Variants in LRP1B observed in about 807,000 individuals in gnomAD.
LRP1B encodes LDL receptor related protein 1B.
In LRP1B, 217 loss-of-function variants were observed where a neutral mutation model predicts 556.6. The observed-to-expected ratio is 0.39, with a 90% CI of 0.35 to 0.44. The LOEUF is 0.44. Among genes scored for constraint, LRP1B ranks in the 20% least tolerant of loss-of-function variants. The probability of loss-of-function intolerance (pLI) is 1.00; values close to 1 mark genes in which losing one functional copy is unlikely to be tolerated. For synonymous variants in LRP1B, 2,047 were observed against 1,865.8 expected (o/e 1.10, Z -2.50); for missense variants, 5,053 against 5,620.8 (o/e 0.90, Z 3.23).
chr2:140,967,575 T>C (rs1376226321), intron 18 of LRP1B, among the ~76,000 whole-genome samples: 2 of 152,032 alleles, frequency 1.3e-5, no homozygotes, highest in Non-Finnish European at 2.9e-5. Context: ...TCCAACACTA[T>C]GTTGAATAGG....
intron 11 of LRP1B, among the ~76,000 whole-genome samples, chr2:141,044,941 A>T (rs941465125): frequency 6.6e-6 from 1 of 150,990 alleles, no homozygotes; most frequent in Non-Finnish European, 1.5e-5. Flanking sequence ...AAGGACTATA[A>T]ATCATGCTGC....
chr2:140,402,538 A>G (rs1339482684), intron 66 of LRP1B, among the ~76,000 whole-genome samples: 3 of 152,218 alleles, frequency 2.0e-5, no homozygotes, highest in Non-Finnish European at 4.4e-5. Flanking sequence ...TACTTGGAAT[A>G]TCAACATTCC....
At chr2:140,322,631 C>CCTTTCCAT (rs1359809898) in intron 81 of LRP1B, among the ~76,000 whole-genome samples, 4 of 151,488 alleles carry the variant, frequency 2.6e-5, no homozygotes, top group Non-Finnish European at 1.5e-5. Flanking sequence ...AAAGTGGCTT[C>CCTTTCCAT]CTTTCCATCA....
intron 62 of LRP1B, among the ~76,000 whole-genome samples, chr2:140,455,603 T>C (rs1314235315): frequency 2.0e-5 from 3 of 152,190 alleles, no homozygotes; most frequent in Admixed American, 2.0e-4. Context: ...TAATTGTTGT[T>C]ATTTATGCAG....
rs199579547 is a variant in LRP1B at position 140,592,447 on chromosome 2, T to C, written c.7194+6184A>G. ...TTTAATTTTTAAATCAAATATTTCC[T>C]TTTTTTTTTTAGAAGTTGACACTCA... is the stretch of plus-strand genomic sequence containing the variant. On this transcript the variant is annotated intron_variant, in intron 43 of 90. Coordinates refer to ENST00000389484, the MANE Select transcript of LRP1B (RefSeq NM_018557.3). Among the ~76,000 whole-genome samples, 91 of 144,824 alleles carry C rather than the reference T, an allele frequency of 6.3e-4. No individual in the cohort carries two copies. In the East Asian group the frequency reaches 0.016, roughly 25 times the overall value.
At chr2:140,670,638 G>A (rs1207305178) in intron 41 of LRP1B, among the ~76,000 whole-genome samples, 1 of 151,966 alleles carries the variant, frequency 6.6e-6, no homozygotes, top group Non-Finnish European at 1.5e-5. Context: ...TCTCTGAACT[G>A]AGGAACCAAT....
chr2:141,887,365 G>C (rs540748308), intron 1 of LRP1B, among the ~76,000 whole-genome samples: 9 of 152,156 alleles, frequency 5.9e-5, no homozygotes, highest in African/African-American at 2.2e-4. Context: ...GGCATTCCAC[G>C]GTCAGACTTA....
chr2:141,524,743 CCAT>C (rs1684638145), intron 2 of LRP1B, among the ~76,000 whole-genome samples: 1 of 151,268 alleles, frequency 6.6e-6, no homozygotes, highest in Non-Finnish European at 1.5e-5. Flanking sequence ...TGAAATTACC[CCAT>C]CAACTCTTAT....
At chr2:140,492,733 G>T (rs750675048) in intron 56 of LRP1B, 40 bp from the exon 57 acceptor site, 5 of 1,351,142 alleles carry the variant, frequency 3.7e-6, no homozygotes, top group Non-Finnish European at 5.3e-6. Flanking sequence ...CTTTAAGTAT[G>T]TATGCTTTTC....
At chr2:141,982,597 T>G (rs1378140105) in intron 1 of LRP1B, among the ~76,000 whole-genome samples, 1 of 152,208 alleles carries the variant, frequency 6.6e-6, no homozygotes, top group East Asian at 1.9e-4. Context: ...ATGATCTTTT[T>G]ACAGAATGAA....
At chr2:140,497,791 A>T (rs532516321) in intron 55 of LRP1B, among the ~76,000 whole-genome samples, 17 of 152,022 alleles carry the variant, frequency 1.1e-4, no homozygotes, top group Admixed American at 9.8e-4. Flanking sequence ...TTATAGAAGA[A>T]GTACTATATG....
At chr2:141,202,953 C>A (rs1322509602) in intron 6 of LRP1B, among the ~76,000 whole-genome samples, 1 of 151,946 alleles carries the variant, frequency 6.6e-6, no homozygotes, top group Non-Finnish European at 1.5e-5. Flanking sequence ...TGTTCAACTC[C>A]CAATTATGAG....
intron 3 of LRP1B, among the ~76,000 whole-genome samples, chr2:141,297,808 A>G (rs1686238520): frequency 6.6e-6 from 1 of 152,132 alleles, no homozygotes; most frequent in Non-Finnish European, 1.5e-5. Flanking sequence ...ATATGTCTAA[A>G]TTTGTTTAGA....
chr2:141,216,076 G>A (rs747438711), intron 6 of LRP1B, among the ~76,000 whole-genome samples: 1 of 152,130 alleles, frequency 6.6e-6, no homozygotes, highest in African/African-American at 2.4e-5. Context: ...TTCATCACAT[G>A]CCTAGAGACA....
At chr2:141,562,839 T>C (rs1686211560) in intron 2 of LRP1B, among the ~76,000 whole-genome samples, 1 of 152,022 alleles carries the variant, frequency 6.6e-6, no homozygotes, top group Non-Finnish European at 1.5e-5. Flanking sequence ...TTGCATATTT[T>C]TTGAGGAAGG....
At chr2:141,521,783 A>T (rs1684536854) in intron 2 of LRP1B, among the ~76,000 whole-genome samples, 1 of 152,072 alleles carries the variant, frequency 6.6e-6, no homozygotes, top group South Asian at 2.1e-4. Context: ...ATTTTAACCT[A>T]TGCTTTCCAA....
intron 80 of LRP1B, 151 bp from the exon 81 acceptor site, chr2:140,324,217 T>TTAGAATTAATATATCTGAAGTA (rs1680327495): frequency 1.9e-6 from 1 of 517,406 alleles, no homozygotes; most frequent in East Asian, 2.9e-5. Context: ...TATGAAGTTC[T>TTAGAATTAATATATCTGAAGTA]TAGAATTAAT....
chr2:141,900,934 G>C (rs1699600531), intron 1 of LRP1B, among the ~76,000 whole-genome samples: 1 of 152,002 alleles, frequency 6.6e-6, no homozygotes, highest in Admixed American at 6.6e-5. Flanking sequence ...GGTGAGAAAA[G>C]AGAAGGGAGC....
chr2:141,859,812 TA>T (rs1302958140), intron 1 of LRP1B, among the ~76,000 whole-genome samples: 1 of 152,170 alleles, frequency 6.6e-6, no homozygotes, highest in Non-Finnish European at 1.5e-5. Context: ...TTATGACTGC[TA>T]AAAAACAGTG....
Sources: gnomAD v4.1 joint callset for allele counts (sites outside exome capture counted in the v4.1 genomes callset) on GRCh38, gnomAD v4.1.1 for gene constraint, MANE v1.5 for transcripts, NCBI Gene and HGNC (gene_info 2026-07-23, HGNC 2026-07-21) for gene names.